The following FGD1 variants were observed in gnomAD, a reference collection of about 807,000 sequenced individuals.
FGD1 encodes the protein FYVE, RhoGEF and PH domain containing 1.
Under a neutral mutation model 65.0 loss-of-function variants are expected in FGD1, and 12 were observed. That is an observed-to-expected ratio of 0.18 (90% confidence interval 0.12 to 0.30). The LOEUF (loss-of-function observed/expected upper bound fraction) is 0.30. Ranked by LOEUF, FGD1 falls within the 10% of genes least tolerant of loss-of-function variation. The probability of loss-of-function intolerance (pLI) is 1.00; values close to 1 mark genes in which losing one functional copy is unlikely to be tolerated. For synonymous variants in FGD1, 333 were observed against 343.9 expected (o/e 0.97, Z 0.35); for missense variants, 542 against 837.6 (o/e 0.65, Z 4.36).
chrX:54,462,433 C>T (rs1922657920), intron 8 of FGD1, among the ~76,000 whole-genome samples: 1 of 97,710 alleles, frequency 1.0e-5, no homozygotes, highest in South Asian at 5.2e-4. Flanking sequence ...CACTCCGTGG[C>T]TCAGGTTGGA....
In FGD1 at chrX:54,465,684, T is replaced by G. The variant is rs771800888; in HGVS notation, c.1497+12A>C. On this transcript the variant is annotated intron_variant, in intron 7 of 17. Coordinates refer to ENST00000375135, the MANE Select transcript of FGD1 (RefSeq NM_004463.3). Reference sequence around the variant, plus strand: ...CCTCCCCAAGTCTGCTCCTTCCAGCTTGACCACTTACCTGCACCTCATGGA... The same window carrying G: ...CCTCCCCAAGTCTGCTCCTTCCAGCGTGACCACTTACCTGCACCTCATGGA... 1 of 1,211,509 alleles carries G rather than the reference T, an allele frequency of 8.3e-7. No homozygotes were observed. Among genetic ancestry groups the G allele is most frequent in the Non-Finnish European group, 1.1e-6 (1 of 895,442 alleles).
chrX:54,461,672 G>T, intron 8 of FGD1, among the ~76,000 whole-genome samples: 1 of 107,760 alleles, frequency 9.3e-6, no homozygotes, highest in African/African-American at 3.4e-5. Context: ...AGGGGACTTG[G>T]GCTGGGGAGA....
chrX:54,459,632 G>A (rs1368548478), intron 8 of FGD1, among the ~76,000 whole-genome samples: 1 of 111,148 alleles, frequency 9.0e-6, no homozygotes, highest in African/African-American at 3.3e-5. Flanking sequence ...TAAAAAATTG[G>A]GAGCTCAGCT....
intron 12 of FGD1, 29 bp downstream of exon 12, chrX:54,455,419 G>A (rs372139041): frequency 8.9e-7 from 1 of 1,129,683 alleles, no homozygotes; most frequent in African/African-American, 1.8e-5. Context: ...GGTAGGCGCT[G>A]GAGGAAAGGC....
chrX:54,487,928 C>T (rs993934337), intron 1 of FGD1, among the ~76,000 whole-genome samples: 56 of 107,372 alleles, frequency 5.2e-4, no homozygotes, highest in Admixed American at 1.7e-3. Flanking sequence ...CCAGCCTGGG[C>T]GACAGAGTGA....
chrX:54,447,564 C>A, intron 16 of FGD1, 110 bp from the exon 17 acceptor site: 1 of 832,787 alleles, frequency 1.2e-6, no homozygotes. Flanking sequence ...CAGATGAAGA[C>A]GCTCAAGCTC....
chrX:54,455,413 G>C, intron 12 of FGD1, 35 bp downstream of exon 12: 3 of 1,088,820 alleles, frequency 2.8e-6, no homozygotes, highest in East Asian at 6.0e-5. Context: ...AAGGGAGGTA[G>C]GCGCTGGAGG....
chrX:54,470,322 C>T lies in FGD1; in HGVS notation c.795G>A (p.Leu265=). 8.3e-7 allele frequency: 1 copy of T among 1,207,772 alleles called. No individual in the cohort carries two copies. The part of the protein sequence containing the change: ...QLPEGEASRC[L]FLLAPGPRDG... The stretch of plus-strand genomic sequence containing the variant: ...CCCGGGGCCCAGGAGCCAGCAGAAA[C>T]AGGCAGCGGGAGGCCTCACCCTCGG... Residue 265 remains leucine, a synonymous_variant, in exon 4 of 18, where the codon CTG becomes CTA. Transcript: ENST00000375135.
chrX:54,495,493 CGCGGGCGGAGGA>C lies in FGD1; in HGVS notation c.-73_-62del. ...TTGGCTCCAGCTCCTGGGGCGGAGG[CGCGGGCGGAGGA>C]GGCCCGGCGCCCGGCGGAGCAGCGG... On this transcript the variant is annotated 5_prime_UTR_variant, in exon 1 of 18. Coordinates refer to ENST00000375135, the MANE Select transcript of FGD1 (RefSeq NM_004463.3). The C allele has an allele frequency of 2.4e-6, 2 of 828,489 alleles. No homozygotes were observed. Among genetic ancestry groups the C allele is most frequent in the Non-Finnish European group, 3.0e-6 (2 of 661,541 alleles). 68.3% of individuals were successfully genotyped at this position (828,489 alleles called of 1,213,427 possible).
At chrX:54,495,056 A>G in intron 1 of FGD1, 70 bp downstream of exon 1, 1 of 1,101,784 alleles carries the variant, frequency 9.1e-7, no homozygotes. Flanking sequence ...AGAGGGCTCG[A>G]GAACAAGAAC....
rs1238512183 is a variant in FGD1, at chrX:54,456,518, G to T, written c.1686C>A (p.Ile562=). The change falls in exon 9 of 18, where the codon ATC becomes ATA. Residue 562 remains isoleucine, a synonymous_variant. Transcript: ENST00000375135. Reference sequence around the variant, plus strand: ...TAGAAGGGCCACTCACCATTTTGCGGATGGCAGCATTCGAGTGCTCTGCTG... The same window carrying T: ...TAGAAGGGCCACTCACCATTTTGCGTATGGCAGCATTCGAGTGCTCTGCTG... The part of the protein sequence containing the change: ...ATAAEHSNAA[I]RKMERMHKLL... 8.3e-7 allele frequency: 1 copy of T among 1,211,288 alleles called. No individual in the cohort carries two copies.
intron 6 of FGD1, among the ~76,000 whole-genome samples, chrX:54,466,789 G>A (rs1237669435): frequency 4.9e-5 from 5 of 101,333 alleles, no homozygotes; most frequent in South Asian, 4.6e-4. Flanking sequence ...TTGCTCTGTT[G>A]CCCAGGCTGG....
rs1976014115 is a variant in FGD1, at chrX:54,471,446, G to A, written c.349C>T (p.Leu117Phe). Residue 117 changes from leucine to phenylalanine, a missense_variant, in exon 2 of 18, where the codon CTT becomes TTT. Around this residue, in one of 6 missense-constraint regions of FGD1, gnomAD observed 297 missense variants for 326.8 expected, o/e 0.91. Transcript: ENST00000375135. The part of the protein sequence containing the change: ...GNRILVKSLS[L>F]DPGQSLEPHP... The stretch of plus-strand genomic sequence containing the variant: ...GGCTCTAGGCTTTGGCCAGGGTCAA[G>A]GGACAAACTTTTAACCAGGATCCGG... The A allele has an allele frequency of 1.7e-6, 2 of 1,211,751 alleles. No homozygotes were observed. Among genetic ancestry groups the A allele is most frequent in the African/African-American group, 3.5e-5 (2 of 57,931 alleles).
rs183998996 is a variant in FGD1 at position 54,463,708 on chromosome X, C to T, written c.1636+1743G>A. Among the ~76,000 whole-genome samples, 12 of 111,783 alleles carry T rather than the reference C, an allele frequency of 1.1e-4. No individual in the cohort carries two copies. In the East Asian group the frequency reaches 3.1e-3, roughly 29 times the overall value. On this transcript the variant is annotated intron_variant, in intron 8 of 17. Transcript: ENST00000375135. ...TTCTTCCTGATCCAGAGATATGCAA[C>T]CTGTCCAGCACCCCACCTCCCCTAA...
At chrX:54,483,390 G>A (rs748677667) in intron 1 of FGD1, among the ~76,000 whole-genome samples, 1 of 112,652 alleles carries the variant, frequency 8.9e-6, no homozygotes, top group South Asian at 3.6e-4. Context: ...AGGCGGTGGT[G>A]TGGGCGGTGG....
intron 1 of FGD1, among the ~76,000 whole-genome samples, chrX:54,475,696 G>C (rs947988414): frequency 3.6e-5 from 4 of 112,383 alleles, no homozygotes; most frequent in African/African-American, 1.3e-4. Context: ...ATGAACTTAC[G>C]TACAGTCCAG....
At chrX:54,480,343 CT>C (rs1463821335) in intron 1 of FGD1, among the ~76,000 whole-genome samples, 1 of 112,034 alleles carries the variant, frequency 8.9e-6, no homozygotes, top group Admixed American at 9.5e-5. Context: ...CCAAAGGACT[CT>C]TAAGGATCAT....
chrX:54,463,216 C>T lies in FGD1; in HGVS notation c.1636+2235G>A, dbSNP rs1281420747. On this transcript the variant is annotated intron_variant, in intron 8 of 17. Coordinates refer to ENST00000375135, the MANE Select transcript of FGD1 (RefSeq NM_004463.3). ...ATCTATGTGCCAATGACATCCAAAT[C>T]TCTCCCTGAAATTCTAGATTCATCT... Among the ~76,000 whole-genome samples the T allele has an allele frequency of 3.6e-5, 4 of 111,160 alleles. No individual in the cohort carries two copies. The Admixed American group carries it at 3.9e-4, about 11-fold the overall frequency.
chrX:54,473,861 G>A (rs1922955144), intron 1 of FGD1, among the ~76,000 whole-genome samples: 1 of 110,639 alleles, frequency 9.0e-6, no homozygotes, highest in Non-Finnish European at 1.9e-5. Flanking sequence ...GTGGATGCCT[G>A]TAATCCCAGC....
Sources: allele counts gnomAD v4.1 joint callset (sites outside exome capture counted in the v4.1 genomes callset), GRCh38; gene constraint gnomAD v4.1.1; regional missense constraint gnomAD v4.1.1; transcripts MANE v1.5; gene names NCBI Gene and HGNC (gene_info 2026-07-23, HGNC 2026-07-21).